ANO3: variants seen among roughly 807,000 people sequenced by gnomAD.
The protein encoded by ANO3 is anoctamin 3, also known as anoctamin-3.
A neutral mutation model predicts 144.8 loss-of-function variants in ANO3; 99 were observed. That is an observed-to-expected ratio of 0.68 (90% CI 0.58 to 0.81). The LOEUF (loss-of-function observed/expected upper bound fraction) is 0.81. Ranked by LOEUF, ANO3 falls within the 30% of genes least tolerant of loss-of-function variation. ANO3 has a pLI of 0.00. For synonymous variants in ANO3, 414 were observed against 392.6 expected (o/e 1.05, Z -0.64); for missense variants, 905 against 1,202.2 (o/e 0.75, Z 3.66).
chr11:26,570,664 T>C (rs1850787911), intron 14 of ANO3, among the ~76,000 whole-genome samples: 1 of 152,138 alleles, frequency 6.6e-6, no homozygotes, highest in African/African-American at 2.4e-5. Flanking sequence ...CAAGTTGTGT[T>C]TGATCATTTC....
At chr11:26,567,349 G>A (rs538026944) in intron 14 of ANO3, among the ~76,000 whole-genome samples, 89 of 152,020 alleles carry the variant, frequency 5.9e-4, no homozygotes, top group African/African-American at 1.9e-3. Context: ...GAGAGGAAAA[G>A]GGAGGAGGTA....
intron 17 of ANO3, among the ~76,000 whole-genome samples, chr11:26,605,436 C>T (rs1354370746): frequency 1.3e-5 from 2 of 152,048 alleles, no homozygotes; most frequent in East Asian, 1.9e-4. Flanking sequence ...TGATTCTGGC[C>T]TCATAAAATG....
chr11:26,496,363 C>T (rs1860940353), intron 4 of ANO3, among the ~76,000 whole-genome samples: 1 of 152,112 alleles, frequency 6.6e-6, no homozygotes, highest in Non-Finnish European at 1.5e-5. Context: ...TCCCTGGCAC[C>T]TAGGACACAA....
At chr11:26,602,592 T>TTC (rs1851830500) in intron 17 of ANO3, among the ~76,000 whole-genome samples, 1 of 149,200 alleles carries the variant, frequency 6.7e-6, no homozygotes, top group Non-Finnish European at 1.5e-5. Flanking sequence ...TCTTTTCTTT[T>TTC]TTTTTTTTTT....
At chr11:26,441,302 A>G (rs1858513754) in intron 1 of ANO3, among the ~76,000 whole-genome samples, 1 of 150,704 alleles carries the variant, frequency 6.6e-6, no homozygotes, top group Non-Finnish European at 1.5e-5. Flanking sequence ...TATTTTTAGT[A>G]GAGACGGGGT....
At chr11:26,345,551 C>A (rs1402695900) in intron 1 of ANO3, among the ~76,000 whole-genome samples, 2 of 152,106 alleles carry the variant, frequency 1.3e-5, no homozygotes, top group Non-Finnish European at 1.5e-5. Context: ...GACTCCATCT[C>A]AAACGAACAA....
At chr11:26,406,938 A>G (rs375599925) in intron 1 of ANO3, among the ~76,000 whole-genome samples, 2 of 147,818 alleles carry the variant, frequency 1.4e-5, no homozygotes, top group African/African-American at 2.5e-5. Flanking sequence ...ATATAAATAC[A>G]TCTGTGTATA....
intron 14 of ANO3, chr11:26,563,174 T>C (rs372786334): frequency 1.9e-6 from 3 of 1,612,564 alleles, no homozygotes; most frequent in Admixed American, 1.7e-5. Context: ...TTTTCCTTTT[T>C]CCACACAACA....
chr11:26,560,818 A>C (rs2134247856), intron 14 of ANO3: 1 of 353,382 alleles, frequency 2.8e-6, no homozygotes, highest in East Asian at 5.7e-5. Flanking sequence ...TTTTCTACTA[A>C]GAAAATACTA....
chr11:26,369,332 C>A (rs1856184263), intron 1 of ANO3, among the ~76,000 whole-genome samples: 3 of 152,090 alleles, frequency 2.0e-5, no homozygotes, highest in South Asian at 4.1e-4. Context: ...GAAACTATAT[C>A]ATTTCTCTTT....
At chr11:26,522,567 C>T (rs188343664) in intron 6 of ANO3, among the ~76,000 whole-genome samples, 22 of 152,092 alleles carry the variant, frequency 1.4e-4, no homozygotes, top group Admixed American at 1.1e-3. Flanking sequence ...AATAAAGCAC[C>T]GTACATGAAC....
chr11:26,456,321 C>A (rs187381383), intron 3 of ANO3, among the ~76,000 whole-genome samples: 4 of 152,272 alleles, frequency 2.6e-5, no homozygotes, highest in Non-Finnish European at 5.9e-5. Flanking sequence ...TCACAACCTC[C>A]TCATCTGACA....
At chr11:26,259,940 G>A (rs1310729466) in intron 1 of ANO3, among the ~76,000 whole-genome samples, 3 of 152,054 alleles carry the variant, frequency 2.0e-5, no homozygotes, top group African/African-American at 4.8e-5. Flanking sequence ...CAGGGCAACC[G>A]GTTTGCCACC....
chr11:26,567,100 A>C, intron 14 of ANO3: 4 of 1,471,216 alleles, frequency 2.7e-6, no homozygotes, highest in Non-Finnish European at 3.6e-6. Context: ...CCCATTTTGC[A>C]GATGAAGAAA....
At chr11:26,286,963 G>T (rs946515390) in intron 1 of ANO3, among the ~76,000 whole-genome samples, 1 of 152,158 alleles carries the variant, frequency 6.6e-6, no homozygotes, top group African/African-American at 2.4e-5. Context: ...TTTGCAGGAA[G>T]GAGTTTATAA....
rs140404315 is a variant in ANO3, at chr11:26,644,279, A to G, written c.2428+945A>G. The stretch of plus-strand genomic sequence containing the variant: ...AAACGGATTTCATATATACCTTTCC[A>G]TGTTAATAGACACAGCTCTGCCTCA... On this transcript the variant is annotated intron_variant, in intron 23 of 26. Coordinates refer to ENST00000256737, the MANE Select transcript of ANO3 (RefSeq NM_031418.4). 2.5e-3 allele frequency among the ~76,000 whole-genome samples: 375 copies of G among 152,358 alleles called. 3 individuals are homozygous for G. Among genetic ancestry groups the G allele is most frequent in the African/African-American group, 8.6e-3 (359 of 41,586 alleles).
intron 24 of ANO3, among the ~76,000 whole-genome samples, chr11:26,648,682 G>T (rs926431334): frequency 2.0e-5 from 3 of 152,166 alleles, no homozygotes; most frequent in Non-Finnish European, 4.4e-5. Flanking sequence ...GGTATTGGGG[G>T]AAAAATGTAA....
In ANO3 at chr11:26,459,895, A is replaced by T. The variant is rs1336598656; in HGVS notation, c.314-3135A>T. ...ATGGCAATAGTTTCTACGTTTTATT[A>T]TTCATAGGCTTAAAGGAACATTCCT... is the stretch of plus-strand genomic sequence containing the variant. On this transcript the variant is annotated intron_variant, in intron 3 of 26. Transcript: ENST00000256737. Among the ~76,000 whole-genome samples, 3 of 152,188 alleles carry T rather than the reference A, an allele frequency of 2.0e-5. No individual in the cohort carries two copies. In the East Asian group the frequency reaches 5.8e-4, roughly 30 times the overall value.
intron 7 of ANO3, among the ~76,000 whole-genome samples, chr11:26,528,875 G>C (rs1322040043): frequency 6.6e-6 from 1 of 150,690 alleles, no homozygotes; most frequent in African/African-American, 2.4e-5. Context: ...TATTTTAAAG[G>C]CTGTCTTTGT....
Sources: gnomAD v4.1 joint callset for allele counts (sites outside exome capture counted in the v4.1 genomes callset) on GRCh38, gnomAD v4.1.1 for gene constraint, MANE v1.5 for transcripts, NCBI Gene and HGNC (gene_info 2026-07-23, HGNC 2026-07-21) for gene names.